Variants in TGFBR3 observed in about 807,000 individuals in gnomAD.
The protein encoded by TGFBR3 is transforming growth factor beta receptor 3.
A neutral mutation model predicts 87.9 loss-of-function variants in TGFBR3; 46 were observed. That is an observed-to-expected ratio of 0.52 (90% CI 0.41 to 0.67). TGFBR3 has a LOEUF of 0.67. TGFBR3 is among the 30% of genes least tolerant of loss of function. The pLI is 0.00. For missense variants in TGFBR3, 866 were observed against 1,041.9 expected (o/e 0.83, Z 2.32); for synonymous variants, 381 against 391.6 (o/e 0.97, Z 0.32).
At chr1:91,810,984 A>C (rs1295204032) in intron 2 of TGFBR3, among the ~76,000 whole-genome samples, 1 of 152,252 alleles carries the variant, frequency 6.6e-6, no homozygotes, top group African/African-American at 2.4e-5. Context: ...GGATGAAAAG[A>C]AAATATGATG....
rs553715257 is a variant in TGFBR3 at position 91,895,059 on chromosome 1, C to T, written c.-114+4578G>A. ...TGCTGGGATTACAGGCATGAGCCAC[C>T]GCGCCCAGCTGAGACACTCTCTCTG... is the stretch of plus-strand genomic sequence containing the variant. On this transcript the variant is annotated intron_variant, in intron 2 of 17. Coordinates refer to the TGFBR3 transcript ENST00000370399. Among the ~76,000 whole-genome samples, 13 of 152,050 alleles carry T rather than the reference C, an allele frequency of 8.5e-5. No individual in the cohort carries two copies. In the East Asian group the frequency reaches 2.3e-3, roughly 27 times the overall value.
At chr1:91,845,584 T>A (rs1487527617) in intron 2 of TGFBR3, among the ~76,000 whole-genome samples, 1 of 152,230 alleles carries the variant, frequency 6.6e-6, no homozygotes, top group African/African-American at 2.4e-5. Flanking sequence ...TTTGTCAAGC[T>A]GAGTTAATTA....
At chr1:91,803,024 C>T (rs1409332978) in intron 2 of TGFBR3, among the ~76,000 whole-genome samples, 1 of 152,192 alleles carries the variant, frequency 6.6e-6, no homozygotes, top group Non-Finnish European at 1.5e-5. Context: ...TATAGAGCAG[C>T]CAAACTGATC....
intron 9 of TGFBR3, 80 bp from the exon 10 acceptor site, chr1:91,719,544 T>C (rs1376945962): frequency 6.3e-7 from 1 of 1,576,818 alleles, no homozygotes; most frequent in Non-Finnish European, 8.7e-7. Flanking sequence ...GACAATTGCC[T>C]GGTCTTCCAA....
At chr1:91,766,104 C>T (rs1461104448) in intron 3 of TGFBR3, among the ~76,000 whole-genome samples, 3 of 151,954 alleles carry the variant, frequency 2.0e-5, no homozygotes, top group South Asian at 2.1e-4. Context: ...CAGAGCTCAC[C>T]GTAACCTTCA....
chr1:91,786,218 T>C (rs1389599225), intron 3 of TGFBR3: 1 of 456,270 alleles, frequency 2.2e-6, no homozygotes, highest in Admixed American at 2.3e-5. Flanking sequence ...TAGTGATTCA[T>C]TGAACAGGCC....
At chr1:91,773,475 T>C (rs1308437319) in intron 3 of TGFBR3, among the ~76,000 whole-genome samples, 5 of 151,730 alleles carry the variant, frequency 3.3e-5, no homozygotes, top group African/African-American at 1.2e-4. Context: ...AAGTCAGGAG[T>C]TCAAGACCAG....
chr1:91,714,034 A>G (rs2100765151), intron 12 of TGFBR3, among the ~76,000 whole-genome samples: 1 of 150,450 alleles, frequency 6.6e-6, no homozygotes, highest in South Asian at 2.1e-4. Context: ...TAGTTTATAT[A>G]TATAAATTAT....
chr1:91,833,490 A>G (rs1676940215), intron 2 of TGFBR3, among the ~76,000 whole-genome samples: 1 of 142,364 alleles, frequency 7.0e-6, no homozygotes, highest in Admixed American at 7.1e-5. Flanking sequence ...AAAAAAGGCC[A>G]GGCACGGTGG....
At chr1:91,830,193 A>G (rs1676802527) in intron 2 of TGFBR3, 1 of 152,386 alleles carries the variant, frequency 6.6e-6, no homozygotes, top group East Asian at 1.9e-4. Flanking sequence ...AAAACTGCCA[A>G]TACTAGTACC....
At chr1:91,827,709 C>T (rs1239679033) in intron 2 of TGFBR3, among the ~76,000 whole-genome samples, 2 of 152,184 alleles carry the variant, frequency 1.3e-5, no homozygotes, top group Non-Finnish European at 2.9e-5. Flanking sequence ...TGAATGACTA[C>T]AGGAAATATC....
intron 2 of TGFBR3, among the ~76,000 whole-genome samples, chr1:91,819,154 G>A (rs1002261047): frequency 1.3e-5 from 2 of 152,122 alleles, no homozygotes; most frequent in African/African-American, 4.8e-5. Flanking sequence ...TGGATCATGA[G>A]GTTAAGAGTT....
intron 2 of TGFBR3, among the ~76,000 whole-genome samples, chr1:91,841,817 G>GT (rs1182799655): frequency 8.2e-6 from 1 of 122,200 alleles, no homozygotes; most frequent in African/African-American, 2.9e-5. Flanking sequence ...AAAAAAAGTA[G>GT]TTTTAGGCCA....
chr1:91,773,229 A>G (rs1042950068), intron 3 of TGFBR3, among the ~76,000 whole-genome samples: 2 of 131,522 alleles, frequency 1.5e-5, no homozygotes, highest in Non-Finnish European at 3.2e-5. Flanking sequence ...TAATAAAAAT[A>G]AATAAATAAA....
intron 1 of TGFBR3, among the ~76,000 whole-genome samples, chr1:91,901,988 T>C (rs1679731264): frequency 6.6e-6 from 1 of 150,834 alleles, no homozygotes; most frequent in African/African-American, 2.4e-5. Context: ...AAGGAATTTA[T>C]AGATTTTCCT....
chr1:91,806,256 G>A (rs1481028508), intron 2 of TGFBR3, among the ~76,000 whole-genome samples: 1 of 151,972 alleles, frequency 6.6e-6, no homozygotes, highest in Non-Finnish European at 1.5e-5. Context: ...AAATCAAATG[G>A]ACTCACCCTT....
At chr1:91,885,364 G>C (rs1034931347) in intron 1 of TGFBR3, among the ~76,000 whole-genome samples, 3 of 141,276 alleles carry the variant, frequency 2.1e-5, no homozygotes, top group East Asian at 2.3e-4. Context: ...AACCGGGGCG[G>C]GGGGGGGCCG....
chr1:91,860,321 T>G (rs995069240), intron 2 of TGFBR3, among the ~76,000 whole-genome samples: 1 of 152,228 alleles, frequency 6.6e-6, no homozygotes, highest in African/African-American at 2.4e-5. Flanking sequence ...TAGATGATCA[T>G]TACTATCACT....
chr1:91,794,640 T>C (rs1161201720), intron 3 of TGFBR3, among the ~76,000 whole-genome samples: 1 of 152,252 alleles, frequency 6.6e-6, no homozygotes. Context: ...CATGGAATCA[T>C]ATGATATGTG....
Sources: allele counts gnomAD v4.1 joint callset (sites outside exome capture counted in the v4.1 genomes callset), GRCh38; gene constraint gnomAD v4.1.1; transcripts MANE v1.5; gene names NCBI Gene and HGNC (gene_info 2026-07-23, HGNC 2026-07-21).